Variants in ATRNL1 observed in about 807,000 individuals in gnomAD.
The protein encoded by ATRNL1 is attractin like 1, also known as attractin-like protein 1.
Under a neutral mutation model 182.7 loss-of-function variants are expected in ATRNL1, and 95 were observed. The observed-to-expected ratio is 0.52, with a 90% CI of 0.44 to 0.62. ATRNL1 has a LOEUF of 0.62. ATRNL1 is among the 20% of genes least tolerant of loss of function. The pLI, the probability that ATRNL1 is intolerant of heterozygous loss-of-function variation, is 0.00. For synonymous variants in ATRNL1, 576 were observed against 568.3 expected (o/e 1.01, Z -0.19); for missense variants, 1,471 against 1,679.5 (o/e 0.88, Z 2.17).
At chr10:115,284,426 A>AT (rs1414624139) in intron 14 of ATRNL1, among the ~76,000 whole-genome samples, 1 of 152,182 alleles carries the variant, frequency 6.6e-6, no homozygotes, top group Non-Finnish European at 1.5e-5. Context: ...GGTATTTTGG[A>AT]TTTAAAAGGA....
chr10:115,137,051 CA>C (rs1455317907), intron 5 of ATRNL1, among the ~76,000 whole-genome samples: 1 of 152,098 alleles, frequency 6.6e-6, no homozygotes, highest in African/African-American at 2.4e-5. Flanking sequence ...CAGTAATTTT[CA>C]AAGTACTCTG....
intron 27 of ATRNL1, among the ~76,000 whole-genome samples, chr10:115,834,211 C>A (rs946817143): frequency 2.6e-5 from 4 of 152,192 alleles, no homozygotes; most frequent in Admixed American, 2.6e-4. Context: ...GTTATATACT[C>A]TTATTCTACT....
At chr10:115,385,793 C>T (rs1282114285) in intron 19 of ATRNL1, among the ~76,000 whole-genome samples, 1 of 152,048 alleles carries the variant, frequency 6.6e-6, no homozygotes, top group Non-Finnish European at 1.5e-5. Flanking sequence ...TCCAGTTGTT[C>T]TAGCACCATT....
intron 15 of ATRNL1, among the ~76,000 whole-genome samples, chr10:115,299,582 T>A (rs1373320555): frequency 2.6e-5 from 4 of 152,258 alleles, no homozygotes; most frequent in Non-Finnish European, 4.4e-5. Context: ...ATATATTGTT[T>A]GTTGATTTTA....
At chr10:115,543,376 C>T (rs1387463335) in intron 25 of ATRNL1, among the ~76,000 whole-genome samples, 2 of 151,556 alleles carry the variant, frequency 1.3e-5, no homozygotes, top group African/African-American at 4.9e-5. Flanking sequence ...TTAATATGTT[C>T]GTTTGTAAGA....
intron 19 of ATRNL1, among the ~76,000 whole-genome samples, chr10:115,351,647 C>G (rs1213822549): frequency 6.6e-6 from 1 of 152,016 alleles, no homozygotes; most frequent in African/African-American, 2.4e-5. Flanking sequence ...GATGAATGAT[C>G]TTTTTAATAT....
In ATRNL1 at chr10:115,129,438, T is replaced by A. The variant is rs1554874474; in HGVS notation, c.732T>A (p.Cys244Ter). 3.1e-6 allele frequency: 5 copies of A among 1,613,988 alleles called. No homozygotes were observed. The highest frequency in any genetic ancestry group is 4.2e-6 in the Non-Finnish European group (5 of 1,179,990). ...ECDKYWKGEA[C>*]DIPYCKANCG... ...ATAAATACTGGAAGGGTGAAGCTTG[T>A]GATATTCCTTACTGTAAAGCCAATT... Residue 244 changes from cysteine (C) to a stop codon, truncating the protein, a stop_gained, in exon 5 of 29, where the codon TGT becomes TGA. Coordinates refer to ENST00000355044, the MANE Select transcript of ATRNL1 (RefSeq NM_207303.4). LOFTEE classifies it high-confidence loss of function.
At chr10:115,479,442 T>G (rs764115924) in intron 24 of ATRNL1, among the ~76,000 whole-genome samples, 3 of 151,556 alleles carry the variant, frequency 2.0e-5, no homozygotes, top group Admixed American at 6.6e-5. Flanking sequence ...ATTATTTGAT[T>G]AATTTATGTA....
chr10:115,401,884 T>C (rs1554957079), intron 20 of ATRNL1, among the ~76,000 whole-genome samples: 1 of 152,174 alleles, frequency 6.6e-6, no homozygotes, highest in African/African-American at 2.4e-5. Flanking sequence ...TATGAAATTT[T>C]AACAAATGCA....
intron 27 of ATRNL1, among the ~76,000 whole-genome samples, chr10:115,818,767 G>A (rs933514120): frequency 5.3e-5 from 8 of 152,098 alleles, no homozygotes; most frequent in African/African-American, 1.9e-4. Context: ...TTCACTGGCT[G>A]TAGCTTTTTG....
chr10:115,739,824 G>T (rs1382083113), intron 27 of ATRNL1, among the ~76,000 whole-genome samples: 1 of 151,988 alleles, frequency 6.6e-6, no homozygotes, highest in Admixed American at 6.6e-5. Flanking sequence ...GGCTGTTATT[G>T]CCTATGACAG....
chr10:115,658,993 C>T (rs549554904), intron 26 of ATRNL1, among the ~76,000 whole-genome samples: 1 of 152,178 alleles, frequency 6.6e-6, no homozygotes, highest in South Asian at 2.1e-4. Context: ...AAACCATAAG[C>T]TCTCATAAGA....
intron 24 of ATRNL1, among the ~76,000 whole-genome samples, chr10:115,484,313 G>A (rs1241628977): frequency 4.0e-5 from 6 of 151,050 alleles, no homozygotes; most frequent in Non-Finnish European, 7.4e-5. Context: ...TACAGATTAT[G>A]CTATTTTATA....
intron 24 of ATRNL1, among the ~76,000 whole-genome samples, chr10:115,510,017 G>A (rs574107502): frequency 2.0e-5 from 3 of 152,162 alleles, no homozygotes; most frequent in East Asian, 1.9e-4. Flanking sequence ...ATTAGTGGAA[G>A]AAGTAACTGC....
At chr10:115,743,830 TA>T (rs1352433327) in intron 27 of ATRNL1, among the ~76,000 whole-genome samples, 2 of 151,986 alleles carry the variant, frequency 1.3e-5, no homozygotes, top group African/African-American at 2.4e-5. Flanking sequence ...AACTCAGACT[TA>T]AAAAAATAAC....
intron 26 of ATRNL1, chr10:115,598,044 G>T (rs1018274001): frequency 6.5e-6 from 1 of 154,884 alleles, no homozygotes. Flanking sequence ...AAGAGCAATA[G>T]ACCTAATTTG....
intron 9 of ATRNL1, among the ~76,000 whole-genome samples, chr10:115,223,344 A>G (rs1554897904): frequency 6.6e-6 from 1 of 152,198 alleles, no homozygotes; most frequent in East Asian, 1.9e-4. Flanking sequence ...AAAGCCAAGA[A>G]TTTTTGGATT....
chr10:115,388,106 CT>C (rs2134255068), intron 19 of ATRNL1, among the ~76,000 whole-genome samples: 1 of 152,280 alleles, frequency 6.6e-6, no homozygotes, highest in African/African-American at 2.4e-5. Flanking sequence ...AGGCATAAGC[CT>C]GGAATCTATT....
In ATRNL1 at chr10:115,215,854, T is replaced by C. The variant is rs1564826769; in HGVS notation, c.1506T>C (p.Tyr502=). ...GNKYGLVDDL[Y]KYEVNTKTWT... ...AATATGGATTGGTTGATGATCTTTA[T>C]AAATATGAAGTTAACACTAAGACTT... Residue 502 remains tyrosine, a synonymous_variant, in exon 9 of 29, where the codon TAT becomes TAC. Coordinates refer to ENST00000355044, the MANE Select transcript of ATRNL1 (RefSeq NM_207303.4). 2 of 1,578,024 alleles carry C rather than the reference T, an allele frequency of 1.3e-6. No homozygotes were observed.
Sources: gnomAD v4.1 joint callset for allele counts (sites outside exome capture counted in the v4.1 genomes callset) on GRCh38, gnomAD v4.1.1 for gene constraint, MANE v1.5 for transcripts, NCBI Gene and HGNC (gene_info 2026-07-23, HGNC 2026-07-21) for gene names.